RELN: variants seen among roughly 807,000 people sequenced by gnomAD.
RELN encodes reelin.
In RELN, 108 loss-of-function variants were observed where a neutral mutation model predicts 427.6. The observed-to-expected ratio is 0.25, with a 90% CI of 0.22 to 0.30. RELN has a LOEUF of 0.30. Among genes scored for constraint, RELN ranks in the 10% least tolerant of loss-of-function variants. The probability of loss-of-function intolerance (pLI) is 1.00; values close to 1 mark genes in which losing one functional copy is unlikely to be tolerated. For synonymous variants in RELN, 1,524 were observed against 1,513.4 expected, an observed-to-expected ratio of 1.01 and a Z score of -0.16; for missense variants, 3,715 against 4,302.8, an observed-to-expected ratio of 0.86 and a Z score of 3.82.
intron 8 of RELN, among the ~76,000 whole-genome samples, chr7:103,722,171 G>A (rs888259217): frequency 2.6e-5 from 4 of 152,142 alleles, no homozygotes; most frequent in African/African-American, 9.7e-5. Flanking sequence ...TACACAGGCT[G>A]AAACAAGGCA....
At chr7:103,983,535 G>A (rs962430324) in intron 1 of RELN, among the ~76,000 whole-genome samples, 1 of 152,176 alleles carries the variant, frequency 6.6e-6, no homozygotes, top group Non-Finnish European at 1.5e-5. Flanking sequence ...AATTCAATTC[G>A]AGTATCTGAA....
chr7:103,595,363 C>T (rs186366338), intron 25 of RELN, among the ~76,000 whole-genome samples: 6 of 152,268 alleles, frequency 3.9e-5, no homozygotes, highest in African/African-American at 1.2e-4. Flanking sequence ...TGATATCTCT[C>T]GTTTCATCCA....
intron 3 of RELN, among the ~76,000 whole-genome samples, chr7:103,801,477 A>C (rs1326318803): frequency 6.6e-6 from 1 of 152,064 alleles, no homozygotes; most frequent in African/African-American, 2.4e-5. Flanking sequence ...AACTATCACA[A>C]GGACAGAAAA....
chr7:103,519,270 G>T (rs779633545), intron 49 of RELN, 53 bp downstream of exon 49: 22 of 1,373,076 alleles, frequency 1.6e-5, no homozygotes, highest in Non-Finnish European at 2.3e-5. Flanking sequence ...CTGATTGCTG[G>T]TAGCAATCTC....
At chr7:103,524,700 C>T (rs1168169679) in intron 46 of RELN, among the ~76,000 whole-genome samples, 1 of 152,146 alleles carries the variant, frequency 6.6e-6, no homozygotes, top group Non-Finnish European at 1.5e-5. Context: ...AAGGAGTTTG[C>T]ATTTTCCAAA....
intron 28 of RELN, among the ~76,000 whole-genome samples, chr7:103,589,178 C>G (rs1288820280): frequency 6.6e-6 from 1 of 152,178 alleles, no homozygotes; most frequent in Non-Finnish European, 1.5e-5. Flanking sequence ...TGATCAACCT[C>G]ATCAGAAGAG....
intron 19 of RELN, 124 bp from the exon 20 acceptor site, chr7:103,630,300 ATTTTT>A (rs907672715): frequency 1.4e-6 from 1 of 695,396 alleles, no homozygotes; most frequent in Non-Finnish European, 2.4e-6. Context: ...GATTATAAAC[ATTTTT>A]TTTTGAGATG....
At position 103,907,414 on chromosome 7, in the gene RELN, G is replaced by GAA. The variant is rs1795234328; in HGVS notation, c.337+9660_337+9661insTT. Among the ~76,000 whole-genome samples the GAA allele has an allele frequency of 1.9e-3, 77 of 39,690 alleles. 30 individuals are homozygous for GAA. The highest frequency in any genetic ancestry group is 9.4e-3 in the African/African-American group (74 of 7,856). The allele number at this position is 39,690 out of a possible 152,430, so 26.0% of individuals were successfully genotyped here. On this transcript the variant is annotated intron_variant, in intron 2 of 64. Transcript: ENST00000428762. The stretch of plus-strand genomic sequence containing the variant: ...GCCTGGGCAACAAGATCAAGGCTCT[G>GAA]GAAAAAAAAAAAAAAAAAAAAAAAA...
chr7:103,724,861 A>G (rs1790165345), intron 7 of RELN, among the ~76,000 whole-genome samples: 1 of 151,920 alleles, frequency 6.6e-6, no homozygotes, highest in South Asian at 2.1e-4. Context: ...AGATCTATTC[A>G]CCTATATTTA....
intron 1 of RELN, among the ~76,000 whole-genome samples, chr7:103,960,206 T>C (rs552202848): frequency 6.6e-6 from 1 of 152,322 alleles, no homozygotes; most frequent in East Asian, 1.9e-4. Context: ...TTATTGGCTC[T>C]GTCCTTCCCC....
intron 1 of RELN, among the ~76,000 whole-genome samples, chr7:103,978,529 TAGAA>T (rs1282837758): frequency 1.3e-5 from 2 of 152,224 alleles, no homozygotes; most frequent in Non-Finnish European, 2.9e-5. Context: ...CATTGTGTTG[TAGAA>T]AGAGTTAGGA....
At chr7:103,531,443 A>C (rs1021196141) in intron 46 of RELN, among the ~76,000 whole-genome samples, 19 of 152,296 alleles carry the variant, frequency 1.2e-4, no homozygotes, top group African/African-American at 4.1e-4. Context: ...AGCGTGATGT[A>C]GTCTGGAGCA....
intron 1 of RELN, among the ~76,000 whole-genome samples, chr7:103,935,656 T>C (rs1445092088): frequency 6.6e-6 from 1 of 152,184 alleles, no homozygotes; most frequent in East Asian, 1.9e-4. Flanking sequence ...CCAGTAAGAC[T>C]AGACCCGTAT....
chr7:103,633,120 T>G (rs1832507280), intron 19 of RELN, among the ~76,000 whole-genome samples: 1 of 152,148 alleles, frequency 6.6e-6, no homozygotes, highest in African/African-American at 2.4e-5. Flanking sequence ...ATTTACTGAA[T>G]GAATCATAGG....
chr7:103,781,033 A>G (rs1415539994), intron 3 of RELN, among the ~76,000 whole-genome samples: 3 of 152,222 alleles, frequency 2.0e-5, no homozygotes, highest in Non-Finnish European at 4.4e-5. Flanking sequence ...CCAAACCCTT[A>G]GAACCCTCAG....
At chr7:103,813,611 T>C (rs1792797765) in intron 3 of RELN, among the ~76,000 whole-genome samples, 1 of 152,116 alleles carries the variant, frequency 6.6e-6, no homozygotes, top group Admixed American at 6.6e-5. Context: ...TATATGGACA[T>C]AACTGAACGA....
intron 28 of RELN, among the ~76,000 whole-genome samples, chr7:103,586,662 G>C (rs1831280381): frequency 6.6e-6 from 1 of 152,078 alleles, no homozygotes; most frequent in Admixed American, 6.5e-5. Context: ...AAAACTCCTA[G>C]ACTTGAAAAA....
chr7:103,957,534 G>A (rs1226062141), intron 1 of RELN, among the ~76,000 whole-genome samples: 6 of 151,946 alleles, frequency 3.9e-5, no homozygotes, highest in Non-Finnish European at 7.4e-5. Flanking sequence ...TTTGTGAATC[G>A]AGGCACAGGG....
rs932443140 is a variant in RELN at position 103,872,667 on chromosome 7, T to G, written c.338-38995A>C. Among the ~76,000 whole-genome samples the G allele has an allele frequency of 2.4e-4, 35 of 143,834 alleles. 2 individuals are homozygous for G. The highest frequency in any genetic ancestry group is 4.6e-4 in the Non-Finnish European group (30 of 65,026). 94.4% of individuals were successfully genotyped at this position (143,834 alleles called of 152,430 possible). Reference sequence around the variant, plus strand: ...GACTTCCACAATGGTTGAACTAGTTTACAGTCCCACCAACAGTGTAAAAGT... The same window carrying G: ...GACTTCCACAATGGTTGAACTAGTTGACAGTCCCACCAACAGTGTAAAAGT... On this transcript the variant is annotated intron_variant, in intron 2 of 64. Coordinates refer to ENST00000428762, the MANE Select transcript of RELN (RefSeq NM_005045.4).
Sources: allele counts gnomAD v4.1 joint callset (sites outside exome capture counted in the v4.1 genomes callset), GRCh38; gene constraint gnomAD v4.1.1; transcripts MANE v1.5; gene names NCBI Gene and HGNC (gene_info 2026-07-23, HGNC 2026-07-21).